The following ATP5MC2 variants were observed in gnomAD, a reference collection of about 807,000 sequenced individuals.
The protein encoded by ATP5MC2 is ATP synthase membrane subunit c locus 2, also known as ATP synthase F(0) complex subunit C2, mitochondrial.
Under a neutral mutation model 13.5 loss-of-function variants are expected in ATP5MC2, and 11 were observed. The observed-to-expected ratio is 0.81, with a 90% confidence interval of 0.51 to 1.35. The LOEUF is 1.35. ATP5MC2 is among the 40% of genes most tolerant of loss of function. ATP5MC2 has a pLI of 0.00. For synonymous variants in ATP5MC2, 64 were observed against 69.7 expected, an observed-to-expected ratio of 0.92 and a Z score of 0.41; for missense variants, 132 against 175.0, an observed-to-expected ratio of 0.75 and a Z score of 1.39.
intron 4 of ATP5MC2, among the ~76,000 whole-genome samples, 200 bp from the exon 5 acceptor site, chr12:53,665,628 G>A (rs1294433259): frequency 1.3e-5 from 2 of 152,190 alleles, no homozygotes; most frequent in African/African-American, 4.8e-5. Context: ...GGGGGAGCAG[G>A]CAATCTAAAA....
chr12:53,673,835 A>G (rs1444278140), intron 1 of ATP5MC2: 1 of 182,542 alleles, frequency 5.5e-6, no homozygotes, highest in Non-Finnish European at 1.2e-5. Flanking sequence ...AAAAAAAAAA[A>G]GTATTAAATT....
At chr12:53,675,964 C>T in intron 1 of ATP5MC2, 89 bp downstream of exon 1, 4 of 1,539,938 alleles carry the variant, frequency 2.6e-6, no homozygotes, top group Non-Finnish European at 2.6e-6. Context: ...TGGGAGCACG[C>T]AAGGTAAGCG....
intron 1 of ATP5MC2, among the ~76,000 whole-genome samples, chr12:53,675,478 A>AT (rs777326125): frequency 6.6e-6 from 1 of 152,124 alleles, no homozygotes; most frequent in South Asian, 2.1e-4. Flanking sequence ...TGCCTTAGCT[A>AT]TCCCAAGCCA....
upstream of ATP5MC2, chr12:53,676,321 C>T (rs923967815): frequency 1.1e-5 from 16 of 1,404,794 alleles, no homozygotes; most frequent in Admixed American, 2.3e-5. Flanking sequence ...CGATCCGTAA[C>T]GTGGACTGCG....
chr12:53,672,549 A>G (rs1226442901), intron 2 of ATP5MC2, 27 bp downstream of exon 2: 1 of 1,550,832 alleles, frequency 6.4e-7, no homozygotes, highest in Non-Finnish European at 8.8e-7. Context: ...TCTCCTTTAA[A>G]ACTCTCCCAG....
intron 1 of ATP5MC2, among the ~76,000 whole-genome samples, chr12:53,675,522 T>TC (rs1426494689): frequency 4.6e-5 from 7 of 152,334 alleles, no homozygotes; most frequent in East Asian, 1.9e-4. Context: ...TGGCTTTTTT[T>TC]CCCACTTCTA....
At chr12:53,666,468 T>A (rs1345177501) in intron 4 of ATP5MC2, among the ~76,000 whole-genome samples, 1 of 151,758 alleles carries the variant, frequency 6.6e-6, no homozygotes, top group African/African-American at 2.4e-5. Context: ...TCCCAGCTAC[T>A]CAGGAGGCTG....
At chr12:53,681,340 A>G (rs531091511), upstream of ATP5MC2, among the ~76,000 whole-genome samples, 387 of 151,520 alleles carry the variant, frequency 2.6e-3, 17 homozygotes, top group African/African-American at 9.0e-3. Context: ...AGCCTGGCCA[A>G]CGTGGTGAAA....
chr12:53,666,847 G>A (rs56340564), intron 4 of ATP5MC2, among the ~76,000 whole-genome samples: 18,614 of 151,504 alleles, frequency 0.12, 3,450 homozygotes, highest in African/African-American at 0.4. Context: ...TTGGGAGGCT[G>A]AGGCAGGAGA....
chr12:53,677,795 A>G (rs1236896757), upstream of ATP5MC2, among the ~76,000 whole-genome samples: 3 of 152,234 alleles, frequency 2.0e-5, no homozygotes, highest in Admixed American at 2.0e-4. Context: ...AAGTGGTGCC[A>G]GGCACTGTGG....
intron 2 of ATP5MC2, among the ~76,000 whole-genome samples, chr12:53,670,607 G>C (rs1007377798): frequency 1.3e-5 from 2 of 151,780 alleles, no homozygotes; most frequent in Non-Finnish European, 2.9e-5. Flanking sequence ...TTCGAAGTAT[G>C]GTTTCTTTCT....
chr12:53,667,476 A>C (rs1366973301), intron 4 of ATP5MC2, among the ~76,000 whole-genome samples: 1 of 152,062 alleles, frequency 6.6e-6, no homozygotes, highest in African/African-American at 2.4e-5. Context: ...TTAAAACAAA[A>C]ATGAAGCCTT....
At chr12:53,667,956 C>CACATATATATATATATATAT (rs1390194186) in intron 4 of ATP5MC2, among the ~76,000 whole-genome samples, 1 of 67,370 alleles carries the variant, frequency 1.5e-5, no homozygotes, top group African/African-American at 4.7e-5. Context: ...CATACACACA[C>CACATATATATATATATATAT]ATATATATAT....
Position 53,672,083 on chromosome 12 carries a change from C to CAAAAAAAAAAA in ATP5MC2, c.39+482_39+492dup, listed in dbSNP as rs916010110. On this transcript the variant is annotated intron_variant, in intron 2 of 4. Transcript: ENST00000394349. ...GGGCAACAAGAGCGAAACTCTGTCT[C>CAAAAAAAAAAA]AAAAAAAAAAAAAAAAAAAAAATTA... is the stretch of plus-strand genomic sequence containing the variant. Among the ~76,000 whole-genome samples, 92 of 47,164 alleles carry CAAAAAAAAAAA rather than the reference C, an allele frequency of 2.0e-3. 8 individuals are homozygous for CAAAAAAAAAAA. Among genetic ancestry groups the CAAAAAAAAAAA allele is most frequent in the East Asian group, 9.0e-3 (10 of 1,106 alleles). The allele number at this position is 47,164 out of a possible 152,430, so 30.9% of individuals were successfully genotyped here.
At chr12:53,678,979 C>G (rs1286004542), upstream of ATP5MC2, among the ~76,000 whole-genome samples, 1 of 152,118 alleles carries the variant, frequency 6.6e-6, no homozygotes, top group Non-Finnish European at 1.5e-5. Context: ...TCTTTCCTTT[C>G]TTAGGATTGG....
chr12:53,681,363 T>C (rs1284364980), upstream of ATP5MC2, among the ~76,000 whole-genome samples: 1 of 150,906 alleles, frequency 6.6e-6, no homozygotes, highest in African/African-American at 2.5e-5. Flanking sequence ...CCATCTCTAC[T>C]AAAAATACAA....
At chr12:53,670,624 CT>C (rs998395727) in intron 2 of ATP5MC2, among the ~76,000 whole-genome samples, 203 of 144,352 alleles carry the variant, frequency 1.4e-3, no homozygotes, top group South Asian at 3.1e-3. Context: ...TTCTTTCTTT[CT>C]TTTTTTTTTT....
upstream of ATP5MC2, among the ~76,000 whole-genome samples, chr12:53,678,685 TGAAGACA>T (rs1353595858): frequency 2.0e-5 from 3 of 152,154 alleles, no homozygotes; most frequent in African/African-American, 7.2e-5. Context: ...GGGGTGAATT[TGAAGACA>T]GCAAAAGATC....
intron 1 of ATP5MC2, among the ~76,000 whole-genome samples, chr12:53,674,561 T>C (rs911911090): frequency 6.6e-6 from 1 of 152,228 alleles, no homozygotes; most frequent in Non-Finnish European, 1.5e-5. Context: ...CTTAGGGCTA[T>C]TAAATACCAC....
Sources: gnomAD v4.1 joint callset for allele counts (sites outside exome capture counted in the v4.1 genomes callset) on GRCh38, gnomAD v4.1.1 for gene constraint, MANE v1.5 for transcripts, NCBI Gene and HGNC (gene_info 2026-07-23, HGNC 2026-07-21) for gene names.